The following AAMDC variants were observed in gnomAD, a reference collection of about 807,000 sequenced individuals.
AAMDC encodes the protein mth938 domain-containing protein.
Under a neutral mutation model 15.5 loss-of-function variants are expected in AAMDC, and 16 were observed. That is an observed-to-expected ratio of 1.03 (90% CI 0.70 to 1.57). AAMDC has a LOEUF of 1.57. AAMDC is among the 40% of genes most tolerant of loss of function. The pLI is 0.00. For synonymous variants in AAMDC, 51 were observed against 51.6 expected (o/e 0.99, Z 0.05); for missense variants, 141 against 144.9 (o/e 0.97, Z 0.14).
At chr11:77,877,991 C>G (rs1009980773) in intron 5 of AAMDC, among the ~76,000 whole-genome samples, 1 of 152,132 alleles carries the variant, frequency 6.6e-6, no homozygotes, top group African/African-American at 2.4e-5. Flanking sequence ...ATCTTGATTT[C>G]TTTTGTAAAA....
intron 1 of AAMDC, among the ~76,000 whole-genome samples, chr11:77,834,641 C>T (rs1358100032): frequency 1.3e-5 from 2 of 152,056 alleles, no homozygotes; most frequent in African/African-American, 4.8e-5. Flanking sequence ...TCTCGAACTC[C>T]TGACCTCAGG....
intron 1 of AAMDC, among the ~76,000 whole-genome samples, chr11:77,840,570 A>G (rs1949887462): frequency 6.6e-6 from 1 of 152,190 alleles, no homozygotes; most frequent in Non-Finnish European, 1.5e-5. Context: ...TTAGAAAAAT[A>G]AAATTCTAAT....
chr11:77,900,395 G>A (rs573900541), intron 5 of AAMDC, among the ~76,000 whole-genome samples: 15 of 152,118 alleles, frequency 9.9e-5, no homozygotes, highest in African/African-American at 3.1e-4. Flanking sequence ...CACCACACCC[G>A]GCCACATATG....
At chr11:77,839,549 G>A (rs1949835359) in intron 1 of AAMDC, among the ~76,000 whole-genome samples, 1 of 152,112 alleles carries the variant, frequency 6.6e-6, no homozygotes. Context: ...GTTTACAATA[G>A]CGAAGACATG....
chr11:77,885,007 G>T (rs993114436), intron 5 of AAMDC: 7 of 184,186 alleles, frequency 3.8e-5, no homozygotes, highest in African/African-American at 2.3e-5. Context: ...TGATCCTCCT[G>T]CCTCAGACTC....
At chr11:77,868,272 T>G (rs911534302) in intron 2 of AAMDC, among the ~76,000 whole-genome samples, 12 of 151,800 alleles carry the variant, frequency 7.9e-5, no homozygotes, top group Non-Finnish European at 1.8e-4. Flanking sequence ...AGCCAGGATG[T>G]TCTTGATCTC....
chr11:77,871,641 G>A (rs1035154760), intron 3 of AAMDC, among the ~76,000 whole-genome samples: 2 of 152,174 alleles, frequency 1.3e-5, no homozygotes, highest in African/African-American at 4.8e-5. Flanking sequence ...TATTTTACAA[G>A]GGAAGAAATT....
At chr11:77,859,846 T>A (rs1950801243) in intron 2 of AAMDC, among the ~76,000 whole-genome samples, 1 of 152,240 alleles carries the variant, frequency 6.6e-6, no homozygotes, top group Admixed American at 6.5e-5. Context: ...GTCGCAGCAC[T>A]GGCCCTTCAA....
rs147518994 is a variant in AAMDC at position 77,823,978 on chromosome 11, A to C, written c.-19+2737A>C. On this transcript the variant is annotated intron_variant, in intron 1 of 3. Coordinates refer to ENST00000393427, the MANE Select transcript of AAMDC (RefSeq NM_024684.4). ...TTCTCACTGCTCACACTGTTAGTCA[A>C]ACAGACTGATAAATAAAGGTTAGAG... 3.8e-3 allele frequency among the ~76,000 whole-genome samples: 582 copies of C among 152,328 alleles called. 3 individuals are homozygous for C. The highest frequency in any genetic ancestry group is 0.013 in the African/African-American group (545 of 41,572).
At chr11:77,896,032 T>C (rs562626148) in intron 5 of AAMDC, among the ~76,000 whole-genome samples, 1 of 152,030 alleles carries the variant, frequency 6.6e-6, no homozygotes, top group Non-Finnish European at 1.5e-5. Flanking sequence ...TAAACGACAA[T>C]CAGGAGCTGT....
chr11:77,869,611 C>A, intron 2 of AAMDC, 111 bp from the exon 3 acceptor site: 1 of 1,070,444 alleles, frequency 9.3e-7, no homozygotes, highest in Non-Finnish European at 1.4e-6. Flanking sequence ...TGATGCTTGG[C>A]ACAAAGTGAA....
At chr11:77,901,791 A>T (rs1450544844), downstream of AAMDC, among the ~76,000 whole-genome samples, 1 of 151,928 alleles carries the variant, frequency 6.6e-6, no homozygotes, top group African/African-American at 2.4e-5. Flanking sequence ...TGATGTGAAG[A>T]TAAGAAAGTT....
intron 2 of AAMDC, chr11:77,866,583 G>A (rs1951120755): frequency 6.6e-6 from 1 of 152,132 alleles, no homozygotes; most frequent in Non-Finnish European, 1.5e-5. Flanking sequence ...CCACTCCAAT[G>A]GGCTGTGGCT....
At chr11:77,837,832 A>G (rs1949755417) in intron 1 of AAMDC, among the ~76,000 whole-genome samples, 1 of 152,180 alleles carries the variant, frequency 6.6e-6, no homozygotes, top group Non-Finnish European at 1.5e-5. Flanking sequence ...GAGAAGACAG[A>G]TTGCTTGAGC....
At chr11:77,881,552 G>A (rs1951791616) in intron 5 of AAMDC, among the ~76,000 whole-genome samples, 1 of 152,224 alleles carries the variant, frequency 6.6e-6, no homozygotes, top group Non-Finnish European at 1.5e-5. Flanking sequence ...CTCCATTTAT[G>A]TATCTGTAAA....
At chr11:77,894,235 G>GCTAT (rs1048626887) in intron 5 of AAMDC, 2 of 889,132 alleles carry the variant, frequency 2.2e-6, no homozygotes, top group Non-Finnish European at 3.7e-6. Context: ...GCCTGCAAGT[G>GCTAT]CTATACTCCA....
At chr11:77,825,434 C>T (rs188964220) in intron 1 of AAMDC, among the ~76,000 whole-genome samples, 5 of 152,094 alleles carry the variant, frequency 3.3e-5, no homozygotes, top group East Asian at 1.9e-4. Flanking sequence ...AAGCTGCGCA[C>T]GGTGGTTCAA....
intron 1 of AAMDC, among the ~76,000 whole-genome samples, chr11:77,822,201 A>G (rs1044686565): frequency 6.6e-6 from 1 of 152,066 alleles, no homozygotes; most frequent in Non-Finnish European, 1.5e-5. Flanking sequence ...ACACTTTGGG[A>G]AACCGAGGTG....
At chr11:77,870,453 C>G (rs1336037870) in intron 3 of AAMDC, among the ~76,000 whole-genome samples, 1 of 148,244 alleles carries the variant, frequency 6.7e-6, no homozygotes, top group Non-Finnish European at 1.5e-5. Flanking sequence ...TCTCCTGTCT[C>G]AGCCTCCCGA....
Sources: allele counts gnomAD v4.1 joint callset (sites outside exome capture counted in the v4.1 genomes callset), GRCh38; gene constraint gnomAD v4.1.1; transcripts MANE v1.5; gene names NCBI Gene and HGNC (gene_info 2026-07-23, HGNC 2026-07-21).